RIMS1: variants seen among roughly 807,000 people sequenced by gnomAD.
RIMS1 encodes regulating synaptic membrane exocytosis 1, also known as regulating synaptic membrane exocytosis protein 1.
A neutral mutation model predicts 214.1 loss-of-function variants in RIMS1; 83 were observed. That is an observed-to-expected ratio of 0.39 (90% CI 0.32 to 0.47). The LOEUF (loss-of-function observed/expected upper bound fraction) is 0.47, where lower values mean the gene tolerates loss of function less well. RIMS1 is among the 20% of genes least tolerant of loss of function. The pLI, the probability that RIMS1 is intolerant of heterozygous loss-of-function variation, is 0.99. For synonymous variants in RIMS1, 793 were observed against 786.8 expected (o/e 1.01, Z -0.13); for missense variants, 2,050 against 2,161.8 (o/e 0.95, Z 1.03).
intron 1 of RIMS1, among the ~76,000 whole-genome samples, chr6:71,925,900 G>C (rs1781443316): frequency 6.6e-6 from 1 of 152,120 alleles, no homozygotes; most frequent in South Asian, 2.1e-4. Flanking sequence ...TACAAGAAAT[G>C]TTTTTACTGA....
Position 72,269,129 on chromosome 6 carries a change from C to T in RIMS1, c.3398+3080C>T, listed in dbSNP as rs146941463. Among the ~76,000 whole-genome samples, 246 of 152,140 alleles carry T rather than the reference C, an allele frequency of 1.6e-3. 1 individual carries two copies. Among genetic ancestry groups the T allele is most frequent in the African/African-American group, 5.5e-3 (230 of 41,510 alleles). ...TTATGAAAGGGTAGTTTAAACTTAC[C>T]GCCTGCATTTTTTACCTTCCAGTAA... On this transcript the variant is annotated intron_variant, in intron 22 of 33. Transcript: ENST00000521978.
At chr6:71,942,532 C>T (rs1198161607) in intron 1 of RIMS1, among the ~76,000 whole-genome samples, 1 of 151,948 alleles carries the variant, frequency 6.6e-6, no homozygotes, top group Non-Finnish European at 1.5e-5. Context: ...ATTTTATGTA[C>T]ATTATATATT....
chr6:72,040,426 G>A (rs1194615147), intron 2 of RIMS1, among the ~76,000 whole-genome samples: 1 of 151,994 alleles, frequency 6.6e-6, no homozygotes, highest in African/African-American at 2.4e-5. Flanking sequence ...TTGAATTCTA[G>A]CATTTAGGAC....
intron 4 of RIMS1, among the ~76,000 whole-genome samples, chr6:72,135,153 A>C (rs893238791): frequency 6.6e-6 from 1 of 152,196 alleles, no homozygotes; most frequent in Non-Finnish European, 1.5e-5. Flanking sequence ...AGGTGTTATT[A>C]GCAGACCATA....
chr6:72,287,742 G>A (rs953030004), intron 24 of RIMS1, among the ~76,000 whole-genome samples: 15 of 151,876 alleles, frequency 9.9e-5, no homozygotes, highest in African/African-American at 1.7e-4. Flanking sequence ...TTACAGGTGC[G>A]TGCTATACGC....
intron 4 of RIMS1, among the ~76,000 whole-genome samples, chr6:72,156,697 G>T (rs1397033658): frequency 7.2e-6 from 1 of 139,692 alleles, no homozygotes; most frequent in African/African-American, 2.5e-5. Context: ...CTTGATTGTG[G>T]TAATCACTTT....
intron 1 of RIMS1, among the ~76,000 whole-genome samples, chr6:71,904,164 G>T (rs1774589110): frequency 6.6e-6 from 1 of 152,162 alleles, no homozygotes; most frequent in Non-Finnish European, 1.5e-5. Context: ...GATAGGGAAA[G>T]CTCTGACCAC....
At chr6:72,160,327 C>A (rs371388802) in intron 4 of RIMS1, among the ~76,000 whole-genome samples, 1 of 139,460 alleles carries the variant, frequency 7.2e-6, no homozygotes, top group Non-Finnish European at 1.6e-5. Flanking sequence ...TGTCATCTGC[C>A]AACAGGGACA....
chr6:72,341,733 A>G (rs2097100360), intron 29 of RIMS1, among the ~76,000 whole-genome samples: 1 of 151,818 alleles, frequency 6.6e-6, no homozygotes, highest in Admixed American at 6.6e-5. Flanking sequence ...CTATTTATGT[A>G]TGTTATCAAA....
intron 2 of RIMS1, among the ~76,000 whole-genome samples, chr6:72,051,739 G>A (rs1482566): frequency 0.012 from 1,758 of 152,148 alleles, 39 homozygotes; most frequent in African/African-American, 0.039. Flanking sequence ...TTTACTTTCT[G>A]TCTAAATAAA....
At chr6:72,224,308 G>A (rs1365381287) in intron 6 of RIMS1, among the ~76,000 whole-genome samples, 1 of 152,094 alleles carries the variant, frequency 6.6e-6, no homozygotes, top group African/African-American at 2.4e-5. Context: ...TGTATATATT[G>A]TTGCTTTGTG....
chr6:71,910,072 G>T (rs1776433054), intron 1 of RIMS1, among the ~76,000 whole-genome samples: 1 of 152,108 alleles, frequency 6.6e-6, no homozygotes, highest in Non-Finnish European at 1.5e-5. Context: ...TAACTCAGGT[G>T]TGGCAAATAA....
chr6:72,096,085 A>G (rs1488802969), intron 2 of RIMS1, among the ~76,000 whole-genome samples: 1 of 152,206 alleles, frequency 6.6e-6, no homozygotes, highest in Non-Finnish European at 1.5e-5. Flanking sequence ...ATGGGAGGAG[A>G]CTTTAATCAC....
At chr6:71,965,261 A>C (rs1794122665) in intron 1 of RIMS1, among the ~76,000 whole-genome samples, 1 of 152,212 alleles carries the variant, frequency 6.6e-6, no homozygotes, top group East Asian at 1.9e-4. Flanking sequence ...TTTAAAGTTC[A>C]AATTCAGATA....
At chr6:72,148,158 G>A (rs1034658018) in intron 4 of RIMS1, among the ~76,000 whole-genome samples, 3 of 152,218 alleles carry the variant, frequency 2.0e-5, no homozygotes, top group African/African-American at 7.2e-5. Context: ...GGATTCATCT[G>A]AGGGGTGTGT....
chr6:72,310,094 T>G (rs2095434889), intron 27 of RIMS1, among the ~76,000 whole-genome samples: 1 of 152,128 alleles, frequency 6.6e-6, no homozygotes, highest in Non-Finnish European at 1.5e-5. Context: ...TTATTGACTC[T>G]TTTTTAGTAT....
intron 4 of RIMS1, among the ~76,000 whole-genome samples, chr6:72,175,612 G>A (rs991235445): frequency 6.6e-6 from 1 of 151,958 alleles, no homozygotes; most frequent in Non-Finnish European, 1.5e-5. Flanking sequence ...GGCGGAGGTT[G>A]CAGTGAGCCA....
At chr6:72,315,255 C>T (rs193118089) in intron 28 of RIMS1, among the ~76,000 whole-genome samples, 2 of 152,152 alleles carry the variant, frequency 1.3e-5, no homozygotes, top group African/African-American at 2.4e-5. Context: ...TTCATTGCTT[C>T]GTATGAATTT....
chr6:72,087,437 A>T (rs1834949502), intron 2 of RIMS1, among the ~76,000 whole-genome samples: 2 of 152,212 alleles, frequency 1.3e-5, no homozygotes, highest in African/African-American at 2.4e-5. Flanking sequence ...ACTCTGGCAG[A>T]ATTGCCCTTG....
Sources: allele counts gnomAD v4.1 joint callset (sites outside exome capture counted in the v4.1 genomes callset), GRCh38; gene constraint gnomAD v4.1.1; transcripts MANE v1.5; gene names NCBI Gene and HGNC (gene_info 2026-07-23, HGNC 2026-07-21).